RAD17: variants seen among roughly 807,000 people sequenced by gnomAD.
RAD17 encodes the protein cell cycle checkpoint protein RAD17.
RAD17 carries 31 observed loss-of-function variants against 81.5 expected under a neutral mutation model. That is an observed-to-expected ratio of 0.38 (90% CI 0.29 to 0.51). RAD17 has a LOEUF of 0.51. Among genes scored for constraint, RAD17 ranks in the 20% least tolerant of loss-of-function variants. The pLI is 0.88. For synonymous variants in RAD17, 261 were observed against 266.2 expected, an observed-to-expected ratio of 0.98 and a Z score of 0.19; for missense variants, 681 against 781.2, an observed-to-expected ratio of 0.87 and a Z score of 1.53.
At chr5:69,374,158 G>C (rs1763195765) in intron 5 of RAD17, 71 bp downstream of exon 5, 3 of 1,294,748 alleles carry the variant, frequency 2.3e-6, no homozygotes, top group Admixed American at 4.8e-5. Context: ...GGGAAGCAGA[G>C]GGATTTACAT....
intron 17 of RAD17, among the ~76,000 whole-genome samples, chr5:69,404,493 C>T (rs750682998): frequency 4.4e-4 from 67 of 151,828 alleles, no homozygotes; most frequent in Non-Finnish European, 7.4e-4. Flanking sequence ...ATTGGCCGGG[C>T]ACGGTGGCTC....
rs115657614 is a variant in RAD17, at chr5:69,409,106, G to A, written c.1694-1387G>A. Among the ~76,000 whole-genome samples, 1,358 of 152,114 alleles carry A rather than the reference G, an allele frequency of 8.9e-3. 13 individuals are homozygous for A. The highest frequency in any genetic ancestry group is 0.011 in the Non-Finnish European group (782 of 68,000). On this transcript the variant is annotated intron_variant, in intron 17 of 18. Coordinates refer to ENST00000354868, the MANE Select transcript of RAD17 (RefSeq NM_133338.3). ...AGTGAGTTCCTTTGGGGAAGGCTTC[G>A]GAGCTTTTTCCTACGGACTGCCTCT... is the stretch of plus-strand genomic sequence containing the variant.
intron 17 of RAD17, among the ~76,000 whole-genome samples, chr5:69,400,532 A>G (rs1765200987): frequency 6.6e-6 from 1 of 151,994 alleles, no homozygotes; most frequent in Admixed American, 6.6e-5. Context: ...AGGGTTTTAT[A>G]GCAATATCTT....
In RAD17 at chr5:69,393,520, AATGTTT is replaced by A. The variant is rs755597036; in HGVS notation, c.1422+29_1422+34del. 57 of 1,578,078 alleles carry A rather than the reference AATGTTT, an allele frequency of 3.6e-5. No individual in the cohort carries two copies. The highest frequency in any genetic ancestry group is 1.7e-4 in the Middle Eastern group (1 of 5,976). ...TGGAATGTAAGACCATTTGACTTAA[AATGTTT>A]ATGTTTATAGTATTTCCTTAGAATT... On this transcript the variant is annotated intron_variant, in intron 15 of 18. Coordinates refer to ENST00000354868, the MANE Select transcript of RAD17 (RefSeq NM_133338.3).
At chr5:69,384,275 A>C (rs1454506850) in intron 7 of RAD17, 1 of 152,488 alleles carries the variant, frequency 6.6e-6, no homozygotes, top group African/African-American at 2.4e-5. Context: ...TTTACCAATT[A>C]TATGAATGTT....
rs368718703 is a variant in RAD17 at position 69,380,209 on chromosome 5, T to C, written c.352-1692T>C. 7.2e-4 allele frequency among the ~76,000 whole-genome samples: 110 copies of C among 152,186 alleles called. 3 individuals are homozygous for C. In the South Asian group the frequency reaches 0.022, roughly 31 times the overall value. On this transcript the variant is annotated intron_variant, in intron 6 of 18. Transcript: ENST00000354868. Reference sequence around the variant, plus strand: ...TTTTTTTTTTAAAAAACAAGTAGATTCTAATAATAAAGATGGGCACTGTAA... The same window carrying C: ...TTTTTTTTTTAAAAAACAAGTAGATCCTAATAATAAAGATGGGCACTGTAA...
At chr5:69,381,398 G>A (rs1329865091) in intron 6 of RAD17, among the ~76,000 whole-genome samples, 1 of 151,854 alleles carries the variant, frequency 6.6e-6, no homozygotes, top group Non-Finnish European at 1.5e-5. Context: ...GGAGAATGGC[G>A]TGAACCCGGG....
At position 69,396,458 on chromosome 5, in the gene RAD17, A is replaced by G; in HGVS notation, c.1484A>G (p.Asn495Ser). ...GCTACGAGAGGTGTGATGCATTCCA[A>G]CAAAGCCCGAGGATATGCTCATTGC... Reference protein sequence around the residue: ...SIATRGVMHSNKARGYAHCQG... With the variant: ...SIATRGVMHSSKARGYAHCQG... The change falls in exon 16 of 19, where the codon AAC becomes AGC. Residue 495 changes from asparagine (N) to serine (S), a missense_variant. Transcript: ENST00000354868. 1.2e-5 allele frequency: 20 copies of G among 1,613,902 alleles called. No individual in the cohort carries two copies. The highest frequency in any genetic ancestry group is 1.6e-5 in the Non-Finnish European group (19 of 1,179,886).
intron 16 of RAD17, among the ~76,000 whole-genome samples, chr5:69,397,341 C>T: frequency 6.6e-6 from 1 of 151,842 alleles, no homozygotes; most frequent in East Asian, 1.9e-4. Context: ...GGGGTTTTGC[C>T]ATGTTGGCCA....
intron 17 of RAD17, among the ~76,000 whole-genome samples, chr5:69,407,569 T>TTTTTTTTTG (rs1765692509): frequency 8.2e-6 from 1 of 121,520 alleles, no homozygotes; most frequent in African/African-American, 3.0e-5. Flanking sequence ...CAAGTTTTTT[T>TTTTTTTTTG]TTTTTTTTTT....
At chr5:69,406,756 C>T (rs918804822) in intron 17 of RAD17, among the ~76,000 whole-genome samples, 2 of 152,028 alleles carry the variant, frequency 1.3e-5, no homozygotes, top group Non-Finnish European at 2.9e-5. Context: ...ATCCTCCCAC[C>T]TCAGCCTCCC....
At chr5:69,413,514 G>C (rs1355743685) in intron 18 of RAD17, among the ~76,000 whole-genome samples, 1 of 152,082 alleles carries the variant, frequency 6.6e-6, no homozygotes, top group Non-Finnish European at 1.5e-5. Flanking sequence ...TTGTTGTTGT[G>C]GTTTGGTTTG....
chr5:69,399,425 C>T lies in RAD17; in HGVS notation c.1573-624C>T, dbSNP rs1561266522. Among the ~76,000 whole-genome samples, 4 of 152,282 alleles carry T rather than the reference C, an allele frequency of 2.6e-5. No homozygotes were observed. The South Asian group carries it at 8.3e-4, about 32-fold the overall frequency. On this transcript the variant is annotated intron_variant, in intron 16 of 18. Coordinates refer to ENST00000354868, the MANE Select transcript of RAD17 (RefSeq NM_133338.3). ...ACTTCTGTAATATCTGAATTCGTGA[C>T]CCCTGGACTGGGTCGTCTCTGAGAT...
chr5:69,371,215 A>G (rs750679219), intron 2 of RAD17, 44 bp downstream of exon 2: 10 of 532,568 alleles, frequency 1.9e-5, no homozygotes, highest in Non-Finnish European at 2.5e-5. Flanking sequence ...TTTTTTTCTA[A>G]TACATCATTG....
chr5:69,402,740 A>T (rs1206193149), intron 17 of RAD17, among the ~76,000 whole-genome samples: 7 of 152,048 alleles, frequency 4.6e-5, no homozygotes, highest in Admixed American at 4.6e-4. Flanking sequence ...TTTCCTGATT[A>T]TTACATTTTT....
At chr5:69,370,617 C>G (rs1007112897) in intron 1 of RAD17, 1 of 152,494 alleles carries the variant, frequency 6.6e-6, no homozygotes, top group Admixed American at 6.5e-5. Context: ...GCTGGGATTA[C>G]AGGCATGAGC....
chr5:69,384,455 C>T (rs755303259), intron 7 of RAD17, among the ~76,000 whole-genome samples: 5 of 152,080 alleles, frequency 3.3e-5, no homozygotes, highest in African/African-American at 7.2e-5. Flanking sequence ...GCCAGAACTA[C>T]AGGCACAAGC....
In RAD17 at chr5:69,414,476, C is replaced by G; in HGVS notation, c.*184C>G. The G allele has an allele frequency of 1.4e-6, 1 of 730,720 alleles. No homozygotes were observed. Among genetic ancestry groups the G allele is most frequent in the Non-Finnish European group, 2.2e-6 (1 of 460,970 alleles). The allele number at this position is 730,720 out of a possible 1,614,324, so 45.3% of individuals were successfully genotyped here. On this transcript the variant is annotated 3_prime_UTR_variant, in exon 19 of 19. Coordinates refer to ENST00000354868, the MANE Select transcript of RAD17 (RefSeq NM_133338.3). ...ATCTTGAAGTAAATAGAAGATCAAG[C>G]CTTCAAATCTCTTAATTTTTTCGGT...
At chr5:69,372,332 T>C in intron 4 of RAD17, 115 bp downstream of exon 4, 1 of 982,488 alleles carries the variant, frequency 1.0e-6, no homozygotes, top group East Asian at 2.5e-5. Flanking sequence ...CGTAAAGTAT[T>C]TATAAGCCCC....
Sources: gnomAD v4.1 joint callset for allele counts (sites outside exome capture counted in the v4.1 genomes callset) on GRCh38, gnomAD v4.1.1 for gene constraint, MANE v1.5 for transcripts, NCBI Gene and HGNC (gene_info 2026-07-23, HGNC 2026-07-21) for gene names.